Variants in CNTN4 observed in about 807,000 individuals in gnomAD.
The protein encoded by CNTN4 is contactin-4.
In CNTN4, 77 loss-of-function variants were observed where a neutral mutation model predicts 122.5. The observed-to-expected ratio is 0.63, with a 90% CI of 0.52 to 0.76. The LOEUF is 0.76. Among genes scored for constraint, CNTN4 ranks in the 30% least tolerant of loss-of-function variants. The pLI is 0.00. For missense variants in CNTN4, 1,256 were observed against 1,259.1 expected, an observed-to-expected ratio of 1.00 and a Z score of 0.04; for synonymous variants, 512 against 447.0, an observed-to-expected ratio of 1.15 and a Z score of -1.83.
chr3:2,694,408 A>G (rs2085907206), intron 4 of CNTN4, among the ~76,000 whole-genome samples: 1 of 152,210 alleles, frequency 6.6e-6, no homozygotes, highest in African/African-American at 2.4e-5. Flanking sequence ...TGTGTTCTAT[A>G]CTTCTTTACA....
At chr3:2,949,686 G>A (rs1178789635) in intron 13 of CNTN4, among the ~76,000 whole-genome samples, 1 of 152,158 alleles carries the variant, frequency 6.6e-6, no homozygotes, top group Non-Finnish European at 1.5e-5. Context: ...ACTGGTTGCT[G>A]TCCTTTCCAA....
At chr3:2,833,142 G>A (rs147324145) in intron 7 of CNTN4, among the ~76,000 whole-genome samples, 40 of 152,284 alleles carry the variant, frequency 2.6e-4, no homozygotes, top group African/African-American at 9.1e-4. Context: ...AAAATGAATG[G>A]ATGCATCTCC....
chr3:2,379,962 C>T (rs962818197), intron 3 of CNTN4, among the ~76,000 whole-genome samples: 2 of 151,052 alleles, frequency 1.3e-5, no homozygotes, highest in African/African-American at 4.9e-5. Flanking sequence ...GAGGCTGAGA[C>T]CGGAGAATCG....
intron 3 of CNTN4, among the ~76,000 whole-genome samples, chr3:2,368,789 G>A (rs1023005351): frequency 4.6e-5 from 7 of 152,154 alleles, no homozygotes; most frequent in Admixed American, 1.3e-4. Flanking sequence ...TTTCTTCTCT[G>A]GTTAACTTAC....
At chr3:2,575,020 T>G (rs2079596269) in intron 4 of CNTN4, among the ~76,000 whole-genome samples, 1 of 152,122 alleles carries the variant, frequency 6.6e-6, no homozygotes, top group Admixed American at 6.5e-5. Flanking sequence ...AAATGTTTGC[T>G]TTACAATAAA....
Position 2,639,938 on chromosome 3 carries a change from A to T in CNTN4, c.55+68380A>T, listed in dbSNP as rs538558402. ...GACTTCCACCCCCTTTCCCCGTGCT[A>T]GGGCTAGAACTGTCAAAAAGGCACA... On this transcript the variant is annotated intron_variant, in intron 4 of 24. Coordinates refer to ENST00000418658, the MANE Select transcript of CNTN4 (RefSeq NM_175607.3). 7.2e-5 allele frequency among the ~76,000 whole-genome samples: 11 copies of T among 152,316 alleles called. 1 individual carries two copies. In the South Asian group the frequency reaches 2.3e-3, roughly 32 times the overall value.
chr3:2,449,998 G>GA (rs1043629119), intron 3 of CNTN4, among the ~76,000 whole-genome samples: 23 of 152,130 alleles, frequency 1.5e-4, no homozygotes, highest in African/African-American at 4.8e-4. Flanking sequence ...CAGGCAAGAT[G>GA]AAAAAATTCC....
chr3:2,231,281 G>C (rs2039478069), intron 2 of CNTN4, among the ~76,000 whole-genome samples: 1 of 152,244 alleles, frequency 6.6e-6, no homozygotes, highest in Middle Eastern at 3.4e-3. Flanking sequence ...AGGACAGCTT[G>C]GCTCTGAATA....
chr3:2,322,587 G>T (rs572416143), intron 2 of CNTN4, among the ~76,000 whole-genome samples: 56 of 152,174 alleles, frequency 3.7e-4, no homozygotes, highest in Non-Finnish European at 6.5e-4. Context: ...TCATGTAAAA[G>T]TGTTGGAAAT....
chr3:2,798,957 G>T (rs991335077), intron 6 of CNTN4, among the ~76,000 whole-genome samples: 1 of 152,032 alleles, frequency 6.6e-6, no homozygotes, highest in African/African-American at 2.4e-5. Flanking sequence ...CACTCCTACC[G>T]ATGGTATATA....
chr3:2,830,797 T>C (rs989136579), intron 7 of CNTN4, among the ~76,000 whole-genome samples: 10 of 152,218 alleles, frequency 6.6e-5, no homozygotes, highest in South Asian at 4.1e-4. Context: ...AGTGGTGCTT[T>C]GGCTACATTT....
At chr3:3,043,261 T>G (rs1336750185) in intron 22 of CNTN4, 98 bp downstream of exon 22, 1 of 1,164,886 alleles carries the variant, frequency 8.6e-7, no homozygotes, top group Admixed American at 1.9e-5. Flanking sequence ...TGCATACTAA[T>G]TAGTAGCATG....
chr3:2,514,740 C>G (rs75950229), intron 3 of CNTN4, among the ~76,000 whole-genome samples: 2 of 152,084 alleles, frequency 1.3e-5, no homozygotes, highest in Non-Finnish European at 2.9e-5. Flanking sequence ...AAGAAAGTTA[C>G]GAACTCATGA....
intron 6 of CNTN4, among the ~76,000 whole-genome samples, chr3:2,787,939 G>A (rs1023781572): frequency 3.3e-5 from 5 of 152,022 alleles, no homozygotes; most frequent in Non-Finnish European, 7.4e-5. Context: ...ACAGGCATCC[G>A]CCACCACGCC....
intron 3 of CNTN4, among the ~76,000 whole-genome samples, chr3:2,425,593 T>C (rs1370563380): frequency 6.6e-6 from 1 of 152,206 alleles, no homozygotes; most frequent in Non-Finnish European, 1.5e-5. Flanking sequence ...AGTAGTTTTT[T>C]CCAAGTCTGT....
At chr3:2,149,491 C>T (rs2035399862) in intron 2 of CNTN4, among the ~76,000 whole-genome samples, 1 of 151,964 alleles carries the variant, frequency 6.6e-6, no homozygotes. Flanking sequence ...AAAGCACCTT[C>T]AGGTTTATAT....
At chr3:2,578,297 A>G (rs975606485) in intron 4 of CNTN4, among the ~76,000 whole-genome samples, 6 of 152,168 alleles carry the variant, frequency 3.9e-5, no homozygotes, top group Non-Finnish European at 7.3e-5. Flanking sequence ...AATACACAAA[A>G]GAGGAATTCC....
At chr3:2,688,979 A>G (rs1279495005) in intron 4 of CNTN4, among the ~76,000 whole-genome samples, 1 of 152,206 alleles carries the variant, frequency 6.6e-6, no homozygotes, top group Admixed American at 6.5e-5. Context: ...TGAGAATTAC[A>G]GAGGTCTAAT....
Position 2,866,832 on chromosome 3 carries a change from C to G in CNTN4, c.535C>G (p.Leu179Val). ...CTTTGTTTCTCAAGAGACTGGGAAT[C>G]TGTATATTGCCAAAGTAGAAAAATC... ...RRFVSQETGNLYIAKVEKSDV... is the reference protein window; with the variant it reads ...RRFVSQETGNVYIAKVEKSDV... Residue 179 changes from leucine (L) to valine (V), a missense_variant, in exon 8 of 25, where the codon CTG (leucine) becomes GTG (valine). Leu to Val is a conservative substitution (Grantham distance 32). Transcript: ENST00000418658. 6.2e-7 allele frequency: 1 copy of G among 1,613,934 alleles called. No individual in the cohort carries two copies. The highest frequency in any genetic ancestry group is 8.5e-7 in the Non-Finnish European group (1 of 1,179,850).
Sources: gnomAD v4.1 joint callset for allele counts (sites outside exome capture counted in the v4.1 genomes callset) on GRCh38, gnomAD v4.1.1 for gene constraint, MANE v1.5 for transcripts, NCBI Gene and HGNC (gene_info 2026-07-23, HGNC 2026-07-21) for gene names.